ZDHHC21: variants seen among roughly 807,000 people sequenced by gnomAD.
ZDHHC21 encodes zDHHC palmitoyltransferase 21.
A neutral mutation model predicts 34.6 loss-of-function variants in ZDHHC21; 15 were observed. The ratio of observed to expected loss-of-function variants is 0.43; its 90% CI spans 0.29 to 0.67. The LOEUF (loss-of-function observed/expected upper bound fraction) is 0.67. ZDHHC21 is among the 30% of genes least tolerant of loss of function. ZDHHC21 has a pLI of 0.14. For missense variants in ZDHHC21, 344 were observed against 327.7 expected, an observed-to-expected ratio of 1.05 and a Z score of -0.38; for synonymous variants, 142 against 101.8, an observed-to-expected ratio of 1.40 and a Z score of -2.38.
chr9:14,633,547 G>C (rs1827741064), intron 8 of ZDHHC21, among the ~76,000 whole-genome samples: 2 of 152,126 alleles, frequency 1.3e-5, no homozygotes, highest in African/African-American at 4.8e-5. Context: ...CATATTAAGA[G>C]TCCAGCCCTC....
intron 6 of ZDHHC21, among the ~76,000 whole-genome samples, chr9:14,661,727 A>G (rs919198093): frequency 2.6e-5 from 4 of 152,326 alleles, no homozygotes; most frequent in African/African-American, 7.2e-5. Context: ...CAACAAGTAC[A>G]TAATGGTAGT....
intron 5 of ZDHHC21, among the ~76,000 whole-genome samples, chr9:14,665,851 C>A (rs1017044708): frequency 2.7e-5 from 4 of 149,814 alleles, no homozygotes; most frequent in Non-Finnish European, 5.9e-5. Context: ...GAAGGAAGCG[C>A]TAAACATGGA....
chr9:14,599,694 G>T, the ZDHHC21 span, among the ~76,000 whole-genome samples: 2 of 152,102 alleles, frequency 1.3e-5, no homozygotes, highest in Non-Finnish European at 2.9e-5. Context: ...AGCAAGCTAA[G>T]ATCCACTGGC....
Position 14,617,086 on chromosome 9 carries a change from A to G in ZDHHC21, c.*1880T>C, listed in dbSNP as rs1034546344. 6.6e-6 allele frequency: 1 copy of G among 151,924 alleles called. No homozygotes were observed. Among genetic ancestry groups the G allele is most frequent in the Non-Finnish European group, 1.5e-5 (1 of 67,896 alleles). 9.4% of individuals were successfully genotyped at this position (151,924 alleles called of 1,614,324 possible). On this transcript the variant is annotated 3_prime_UTR_variant, in exon 10 of 10. Coordinates refer to ENST00000380916, the MANE Select transcript of ZDHHC21 (RefSeq NM_178566.6). ...GTATACAATATAAGGCATTCAACTG[A>G]TATCTACCTACCTTATCTATATATT... is the stretch of plus-strand genomic sequence containing the variant.
At chr9:14,622,900 C>A (rs573850708) in intron 8 of ZDHHC21, among the ~76,000 whole-genome samples, 1 of 152,124 alleles carries the variant, frequency 6.6e-6, no homozygotes, top group Non-Finnish European at 1.5e-5. Context: ...CCTCAATTAT[C>A]CCCTGCATTC....
intron 7 of ZDHHC21, among the ~76,000 whole-genome samples, chr9:14,642,936 GT>G (rs199800668): frequency 0.053 from 8,003 of 152,146 alleles, 276 homozygotes; most frequent in Admixed American, 0.12. Context: ...CATGTGTTCA[GT>G]TTAAAGAAAA....
intron 8 of ZDHHC21, among the ~76,000 whole-genome samples, chr9:14,623,152 A>ACAC (rs1336571133): frequency 1.4e-5 from 2 of 146,978 alleles, no homozygotes; most frequent in African/African-American, 5.4e-5. Context: ...AAAAAAGGCA[A>ACAC]CAACAAAAAA....
chr9:14,656,310 G>A lies in ZDHHC21; in HGVS notation c.504+2439C>T, dbSNP rs142685655. ...GCTTTACTCTATTAAACTTAAGTAGGTTAGAACAGTGCTAATAAACATTCA... is the reference window on the plus strand; with the variant it reads ...GCTTTACTCTATTAAACTTAAGTAGATTAGAACAGTGCTAATAAACATTCA... On this transcript the variant is annotated intron_variant, in intron 7 of 9. Coordinates refer to ENST00000380916, the MANE Select transcript of ZDHHC21 (RefSeq NM_178566.6). Among the ~76,000 whole-genome samples, 420 of 151,894 alleles carry A rather than the reference G, an allele frequency of 2.8e-3. 1 individual carries two copies. The highest frequency in any genetic ancestry group is 9.6e-3 in the African/African-American group (397 of 41,512).
chr9:14,685,894 T>C (rs1838231383), intron 2 of ZDHHC21, among the ~76,000 whole-genome samples: 1 of 152,224 alleles, frequency 6.6e-6, no homozygotes, highest in African/African-American at 2.4e-5. Flanking sequence ...GATGAGTTCA[T>C]GTCCTTTGTA....
chr9:14,652,563 G>A (rs1191712513), intron 7 of ZDHHC21, among the ~76,000 whole-genome samples: 1 of 151,872 alleles, frequency 6.6e-6, no homozygotes, highest in East Asian at 1.9e-4. Context: ...AAACAATGGG[G>A]CACTTGCAAA....
At chr9:14,647,565 C>T (rs1454440612) in intron 7 of ZDHHC21, among the ~76,000 whole-genome samples, 4 of 152,108 alleles carry the variant, frequency 2.6e-5, no homozygotes, top group East Asian at 1.9e-4. Context: ...TCAACCCCGA[C>T]GGGAGCTCCA....
Position 14,615,532 on chromosome 9 carries a change from T to C in ZDHHC21, c.*3434A>G, listed in dbSNP as rs1406687297. The stretch of plus-strand genomic sequence containing the variant: ...AGCACAAATATTTGTAATACAACTC[T>C]TAAGCAAAATAGTATTTTTATTATA... On this transcript the variant is annotated 3_prime_UTR_variant, in exon 10 of 10. Transcript: ENST00000380916. The C allele has an allele frequency of 6.6e-6, 1 of 151,790 alleles. No homozygotes were observed. The highest frequency in any genetic ancestry group is 1.5e-5 in the Non-Finnish European group (1 of 67,762). The allele number at this position is 151,790 out of a possible 1,614,324, so 9.4% of individuals were successfully genotyped here. A position where few individuals can be genotyped will look rare whatever the true frequency, so the allele number is the denominator to read the frequency against.
chr9:14,653,381 A>G (rs1208493573), intron 7 of ZDHHC21, among the ~76,000 whole-genome samples: 1 of 151,972 alleles, frequency 6.6e-6, no homozygotes, highest in Admixed American at 6.6e-5. Flanking sequence ...TTCTGAAATT[A>G]TTGGTAATTT....
chr9:14,628,076 A>T (rs932268128), intron 8 of ZDHHC21, among the ~76,000 whole-genome samples: 1 of 152,202 alleles, frequency 6.6e-6, no homozygotes, highest in Non-Finnish European at 1.5e-5. Context: ...ACAAAAACGT[A>T]TATTTAAATC....
chr9:14,668,639 G>T lies in ZDHHC21; in HGVS notation c.253+4191C>A, dbSNP rs1009344426. Among the ~76,000 whole-genome samples, 8 of 151,526 alleles carry T rather than the reference G, an allele frequency of 5.3e-5. No individual in the cohort carries two copies. The East Asian group carries it at 1.4e-3, about 26-fold the overall frequency. ...ACAGTAACCAAAACAGCATGGTACTGGTACCAAAACAGAGATATAGACCAA... is the reference window on the plus strand; with the variant it reads ...ACAGTAACCAAAACAGCATGGTACTTGTACCAAAACAGAGATATAGACCAA... On this transcript the variant is annotated intron_variant, in intron 5 of 9. Coordinates refer to ENST00000380916, the MANE Select transcript of ZDHHC21 (RefSeq NM_178566.6).
At chr9:14,661,559 G>C (rs1253795300) in intron 6 of ZDHHC21, among the ~76,000 whole-genome samples, 1 of 152,132 alleles carries the variant, frequency 6.6e-6, no homozygotes, top group African/African-American at 2.4e-5. Context: ...TTTTGTGACA[G>C]CTTTAAAATG....
chr9:14,610,470 A>C (rs1251098125), downstream of ZDHHC21, among the ~76,000 whole-genome samples: 3 of 152,028 alleles, frequency 2.0e-5, no homozygotes, highest in Non-Finnish European at 4.4e-5. Flanking sequence ...CTAATCTAGA[A>C]TATTTTTCAA....
chr9:14,659,863 A>G (rs1833024640), intron 6 of ZDHHC21, among the ~76,000 whole-genome samples: 2 of 152,182 alleles, frequency 1.3e-5, no homozygotes, highest in South Asian at 4.1e-4. Flanking sequence ...TTATAAGAGA[A>G]GTGTGCTTAT....
chr9:14,682,297 T>TCTGA (rs1395023551), intron 2 of ZDHHC21, among the ~76,000 whole-genome samples: 3 of 152,012 alleles, frequency 2.0e-5, no homozygotes, highest in Non-Finnish European at 4.4e-5. Flanking sequence ...AGGAGACCCA[T>TCTGA]CTCACGTGCA....
Sources: gnomAD v4.1 joint callset for allele counts (sites outside exome capture counted in the v4.1 genomes callset) on GRCh38, gnomAD v4.1.1 for gene constraint, MANE v1.5 for transcripts, NCBI Gene and HGNC (gene_info 2026-07-23, HGNC 2026-07-21) for gene names.